Variants in EPB41L5 observed in about 807,000 individuals in gnomAD.
EPB41L5 encodes the protein erythrocyte membrane protein band 4.1 like 5.
In EPB41L5, 55 loss-of-function variants were observed where a neutral mutation model predicts 106.6. The observed-to-expected ratio is 0.52, with a 90% confidence interval of 0.42 to 0.65. EPB41L5 has a LOEUF of 0.65. Among genes scored for constraint, EPB41L5 ranks in the 30% least tolerant of loss-of-function variants. The pLI is 0.00. For missense variants in EPB41L5, 871 were observed against 882.1 expected (o/e 0.99, Z 0.16); for synonymous variants, 297 against 306.7 (o/e 0.97, Z 0.33).
Position 120,120,572 on chromosome 2 carries a change from A to G in EPB41L5, c.1338-7116A>G, listed in dbSNP as rs776262537. Reference sequence around the variant, plus strand: ...TTCTAATCACAATTGATGTGAACATAGACATGTAAACAGGTGCTTTTTTTA... The same window carrying G: ...TTCTAATCACAATTGATGTGAACATGGACATGTAAACAGGTGCTTTTTTTA... On this transcript the variant is annotated intron_variant, in intron 16 of 24. Coordinates refer to ENST00000263713, the MANE Select transcript of EPB41L5 (RefSeq NM_020909.4). Among the ~76,000 whole-genome samples the G allele has an allele frequency of 2.5e-4, 38 of 152,244 alleles. 1 individual carries two copies. The highest frequency in any genetic ancestry group is 4.9e-4 in the Non-Finnish European group (33 of 68,016).
intron 1 of EPB41L5, among the ~76,000 whole-genome samples, chr2:120,015,955 C>A (rs1677492840): frequency 6.6e-6 from 1 of 150,968 alleles, no homozygotes; most frequent in African/African-American, 2.4e-5. Context: ...GTATTGTATG[C>A]TGTTGTGTGT....
chr2:120,042,237 C>G, intron 3 of EPB41L5, 127 bp downstream of exon 3: 1 of 582,454 alleles, frequency 1.7e-6, no homozygotes. Context: ...TGACACCGCT[C>G]CCTCCCCCCA....
In EPB41L5 at chr2:120,042,996, TGTGTGTGTGTG is replaced by T. The variant is rs879070499; in HGVS notation, c.285+887_285+897del. ...GGCATTAAGCCTTTTTTTCTGGAAA[TGTGTGTGTGTG>T]TGTGTGTGTGTGTGTGTGTGTGTGT... On this transcript the variant is annotated intron_variant, in intron 3 of 24. Coordinates refer to ENST00000263713, the MANE Select transcript of EPB41L5 (RefSeq NM_020909.4). 1.5e-4 allele frequency among the ~76,000 whole-genome samples: 19 copies of T among 126,988 alleles called. 1 individual carries two copies. In the East Asian group the frequency reaches 3.4e-3, roughly 22 times the overall value. The allele number at this position is 126,988 out of a possible 152,430, so 83.3% of individuals were successfully genotyped here. A position where few individuals can be genotyped will look rare whatever the true frequency, so the allele number is the denominator to read the frequency against.
rs771447988 is a variant in EPB41L5, at chr2:120,077,273, C to T, written c.671C>T (p.Ala224Val). ...GCTGAAACCAATTATCTGAATAAAG[C>T]CAAATGGCTAGAAATGTATGGGGTT... Reference protein sequence around the residue: ...AQAETNYLNKAKWLEMYGVDM... With the variant: ...AQAETNYLNKVKWLEMYGVDM... The change falls in exon 9 of 25, where the codon GCC (alanine) becomes GTC (valine). Residue 224 changes from alanine to valine, a missense_variant. Ala to Val is a moderately conservative substitution (Grantham distance 64). Transcript: ENST00000263713. 1 of 1,611,678 alleles carries T rather than the reference C, an allele frequency of 6.2e-7. No individual in the cohort carries two copies. Among genetic ancestry groups the T allele is most frequent in the South Asian group, 1.1e-5 (1 of 90,710 alleles).
chr2:120,113,852 A>G (rs190788940), intron 16 of EPB41L5, among the ~76,000 whole-genome samples: 2 of 152,284 alleles, frequency 1.3e-5, no homozygotes, highest in Admixed American at 6.5e-5. Context: ...ATTCCTTTTA[A>G]TGGCTTAATA....
chr2:120,046,923 T>C (rs1042096971), intron 3 of EPB41L5, among the ~76,000 whole-genome samples: 5 of 152,198 alleles, frequency 3.3e-5, no homozygotes, highest in Non-Finnish European at 5.9e-5. Context: ...AGGGAATCCT[T>C]TCCCTATTTC....
At chr2:120,071,547 A>T (rs1238320177) in intron 3 of EPB41L5, among the ~76,000 whole-genome samples, 1 of 152,222 alleles carries the variant, frequency 6.6e-6, no homozygotes, top group Admixed American at 6.5e-5. Context: ...GGCTACAGTA[A>T]CCAAAACAAC....
chr2:120,023,586 C>T (rs185827961), intron 2 of EPB41L5, among the ~76,000 whole-genome samples: 65 of 152,166 alleles, frequency 4.3e-4, no homozygotes, highest in African/African-American at 1.3e-3. Context: ...GTTACTATAG[C>T]CTTATAGTAT....
At chr2:120,083,719 T>C (rs1215288473) in intron 10 of EPB41L5, among the ~76,000 whole-genome samples, 13 of 152,162 alleles carry the variant, frequency 8.5e-5, no homozygotes, top group African/African-American at 2.9e-4. Flanking sequence ...TCTCCCACAT[T>C]ATTGTGTGGG....
intron 17 of EPB41L5, among the ~76,000 whole-genome samples, chr2:120,131,289 A>G (rs773824125): frequency 6.6e-6 from 1 of 152,204 alleles, no homozygotes; most frequent in Non-Finnish European, 1.5e-5. Context: ...AAAGAAAAGG[A>G]TCATGTCACA....
intron 16 of EPB41L5, among the ~76,000 whole-genome samples, chr2:120,120,952 C>G (rs1245114084): frequency 6.6e-6 from 1 of 152,162 alleles, no homozygotes; most frequent in East Asian, 1.9e-4. Context: ...CCCGTCTCCA[C>G]TAAAAATACA....
intron 2 of EPB41L5, among the ~76,000 whole-genome samples, chr2:120,038,108 A>C (rs1256077315): frequency 6.6e-6 from 1 of 152,218 alleles, no homozygotes; most frequent in East Asian, 1.9e-4. Context: ...AATGTGAGAA[A>C]ATGTTTGCGA....
At chr2:120,118,488 A>T (rs1040352500) in intron 16 of EPB41L5, among the ~76,000 whole-genome samples, 1 of 152,050 alleles carries the variant, frequency 6.6e-6, no homozygotes, top group Non-Finnish European at 1.5e-5. Flanking sequence ...TCCATTAGCT[A>T]TTCTTCCTGA....
chr2:120,086,090 A>G (rs897161859), intron 10 of EPB41L5, among the ~76,000 whole-genome samples: 7 of 152,092 alleles, frequency 4.6e-5, no homozygotes, highest in Admixed American at 4.6e-4. Context: ...AATCCCAGCT[A>G]CTCTGGAGGC....
At chr2:120,084,123 G>A (rs1574625827) in intron 10 of EPB41L5, among the ~76,000 whole-genome samples, 4 of 152,202 alleles carry the variant, frequency 2.6e-5, no homozygotes, top group South Asian at 4.1e-4. Flanking sequence ...ATTGTCATAT[G>A]TGAATTTGAT....
chr2:120,150,678 C>G (rs1283924184), intron 20 of EPB41L5, among the ~76,000 whole-genome samples: 1 of 151,710 alleles, frequency 6.6e-6, no homozygotes, highest in African/African-American at 2.4e-5. Context: ...TTTTCTAATC[C>G]CATGACAGAT....
Position 120,177,195 on chromosome 2 carries a change from T to C in EPB41L5, c.*2288T>C, listed in dbSNP as rs949171550. On this transcript the variant is annotated 3_prime_UTR_variant, in exon 25 of 25. Transcript: ENST00000263713. ...GTGGGGAGAGGCAGGGCTGAGGTGG[T>C]CTACGAATGTGGCAGGTAGGGAAGG... The C allele has an allele frequency of 2.6e-5, 4 of 152,170 alleles. No homozygotes were observed. Among genetic ancestry groups the C allele is most frequent in the African/African-American group, 9.7e-5 (4 of 41,410 alleles). 9.4% of individuals were successfully genotyped at this position (152,170 alleles called of 1,614,324 possible).
rs1056013891 is a variant in EPB41L5 at position 120,117,585 on chromosome 2, G to A, written c.1338-10103G>A. On this transcript the variant is annotated intron_variant, in intron 16 of 24. Coordinates refer to ENST00000263713, the MANE Select transcript of EPB41L5 (RefSeq NM_020909.4). Reference sequence around the variant, plus strand: ...ACTGACAAAGGATCAAGAAAGACTGGGATTTTTGCCAATCTGAAAAACAAT... The same window carrying A: ...ACTGACAAAGGATCAAGAAAGACTGAGATTTTTGCCAATCTGAAAAACAAT... Among the ~76,000 whole-genome samples the A allele has an allele frequency of 2.7e-4, 41 of 152,018 alleles. 1 individual carries two copies. The highest frequency in any genetic ancestry group is 8.0e-4 in the African/African-American group (33 of 41,392).
intron 18 of EPB41L5, among the ~76,000 whole-genome samples, chr2:120,140,918 G>A (rs138691706): frequency 1.7e-3 from 258 of 152,136 alleles, no homozygotes; most frequent in African/African-American, 5.9e-3. Flanking sequence ...AGTAATTTTA[G>A]GAAGAAAACC....
Sources: gnomAD v4.1 joint callset for allele counts (sites outside exome capture counted in the v4.1 genomes callset) on GRCh38, gnomAD v4.1.1 for gene constraint, MANE v1.5 for transcripts, NCBI Gene and HGNC (gene_info 2026-07-23, HGNC 2026-07-21) for gene names.